The following ZNF681 variants were observed in gnomAD, a reference collection of about 807,000 sequenced individuals.
ZNF681 encodes the protein hypothetical protein FLJ31526.
A neutral mutation model predicts 56.0 loss-of-function variants in ZNF681; 37 were observed. The ratio of observed to expected loss-of-function variants is 0.66; its 90% confidence interval spans 0.51 to 0.87. ZNF681 has a LOEUF of 0.87. Among genes scored for constraint, ZNF681 ranks in the 40% least tolerant of loss-of-function variants. ZNF681 has a pLI of 0.00. For missense variants in ZNF681, 741 were observed against 744.9 expected, an observed-to-expected ratio of 0.99 and a Z score of 0.06; for synonymous variants, 225 against 248.6, an observed-to-expected ratio of 0.91 and a Z score of 0.89.
chr19:23,747,324 T>C (rs893452570), intron 3 of ZNF681, among the ~76,000 whole-genome samples: 5 of 152,004 alleles, frequency 3.3e-5, no homozygotes, highest in South Asian at 2.1e-4. Flanking sequence ...GTGATGAATA[T>C]ATTCAATATA....
rs1426429543 is a variant in ZNF681, at chr19:23,744,738, G to A, written c.812C>T (p.Thr271Ile). 2 of 1,613,530 alleles carry A rather than the reference G, an allele frequency of 1.2e-6. No homozygotes were observed. The highest frequency in any genetic ancestry group is 1.7e-6 in the Non-Finnish European group (2 of 1,179,794). ...CTCTCCAGTATGAATTATTGTATGT[G>A]TTGTAATGTGTGACGACAGGTTAAA... ...KAFNLSSHIT[T>I]HTIIHTGENP... The change falls in exon 4 of 4, where the codon ACA (threonine) becomes ATA (isoleucine). Residue 271 changes from threonine (T) to isoleucine (I), a missense_variant. Physicochemically the swap from Thr to Ile is moderately conservative, Grantham distance 89. Coordinates refer to ENST00000402377, the MANE Select transcript of ZNF681 (RefSeq NM_138286.3).
rs761372409 is a variant in ZNF681 at position 23,758,773 on chromosome 19, C to A, written c.-24G>T. The A allele has an allele frequency of 3.6e-5, 58 of 1,614,170 alleles. 1 individual carries two copies. The Admixed American group carries it at 9.2e-4, about 26-fold the overall frequency. On this transcript the variant is annotated 5_prime_UTR_variant, in exon 1 of 4. Transcript: ENST00000402377. ...ATTTCTAGGTTTCCGGGGGACCTGG[C>A]GTCTTAGCTATGGATCGCCAATACC...
In ZNF681 at chr19:23,743,639, T is replaced by G. The variant is rs757900873; in HGVS notation, c.1911A>C (p.Lys637Asn). ...AAGATTTCTCACCAGCATAATTTCT[T>G]TTATGTTTAGAAAACTTTGAAGTGT... The part of the protein sequence containing the change: ...FENTSKFSKH[K>N]RNYAGEKS The change falls in exon 4 of 4, where the codon AAA becomes AAC. Residue 637 changes from lysine (K) to asparagine (N), a missense_variant. Physicochemically the swap from Lys to Asn is moderately conservative, Grantham distance 94 (BLOSUM62 0). Coordinates refer to ENST00000402377, the MANE Select transcript of ZNF681 (RefSeq NM_138286.3). 1 of 1,517,498 alleles carries G rather than the reference T, an allele frequency of 6.6e-7. No individual in the cohort carries two copies. Among genetic ancestry groups the G allele is most frequent in the South Asian group, 1.3e-5 (1 of 76,346 alleles). The allele number at this position is 1,517,498 out of a possible 1,614,324, so 94.0% of individuals were successfully genotyped here.
rs1455472665 is a variant in ZNF681, at chr19:23,755,579, A to T, written c.4-28T>A. The T allele has an allele frequency of 4.8e-6, 7 of 1,444,110 alleles. No individual in the cohort carries two copies. In the South Asian group the frequency reaches 1.0e-4, roughly 21 times the overall value. The allele number at this position is 1,444,110 out of a possible 1,614,324, so 89.5% of individuals were successfully genotyped here. On this transcript the variant is annotated intron_variant, in intron 1 of 3. Coordinates refer to ENST00000402377, the MANE Select transcript of ZNF681 (RefSeq NM_138286.3). ...GAAAAACACACACACACACACACAC[A>T]CACACACACACACACACACATACAC... is the stretch of plus-strand genomic sequence containing the variant.
At position 23,739,446 on chromosome 19, in the gene ZNF681, T is replaced by A. The variant is rs1197295338; in HGVS notation, c.*4166A>T. The A allele has an allele frequency of 3.9e-5, 6 of 152,212 alleles. No individual in the cohort carries two copies. Among genetic ancestry groups the A allele is most frequent in the Non-Finnish European group, 8.8e-5 (6 of 68,042 alleles). The allele number at this position is 152,212 out of a possible 1,614,324, so 9.4% of individuals were successfully genotyped here. The stretch of plus-strand genomic sequence containing the variant: ...GTGCCTATAGTTCATAACAATGTAT[T>A]TGTATTTCTGAAAAATGCTAAAACA... On this transcript the variant is annotated 3_prime_UTR_variant, in exon 4 of 4. Transcript: ENST00000402377.
At position 23,743,805 on chromosome 19, in the gene ZNF681, CT is replaced by C; in HGVS notation, c.1744del (p.Arg582GlufsTer83). 1 of 1,611,284 alleles carries C rather than the reference CT, an allele frequency of 6.2e-7. No homozygotes were observed. On this transcript the variant is annotated frameshift_variant, in exon 4 of 4. Transcript: ENST00000402377. LOFTEE classifies it high-confidence loss of function. ...NQSSHLTRHK[R>X]IHTGEKPYQC... ...GTAGGGTTTCTCTCCAGTATGAATT[CT>C]CTTATGTCTAGTAAGGTGTGAGGAC...
intron 3 of ZNF681, among the ~76,000 whole-genome samples, chr19:23,750,533 A>T (rs1043798018): frequency 4.6e-5 from 7 of 151,778 alleles, no homozygotes; most frequent in Non-Finnish European, 7.4e-5. Context: ...ATATTAAGAA[A>T]CCTACACTAA....
intron 3 of ZNF681, 101 bp downstream of exon 3, chr19:23,754,722 G>GAATAC: frequency 1.0e-6 from 1 of 977,154 alleles, no homozygotes; most frequent in East Asian, 2.4e-5. Flanking sequence ...ATTTCCTTTG[G>GAATAC]AATACAGCTT....
At chr19:23,754,098 C>T (rs1041554976) in intron 3 of ZNF681, among the ~76,000 whole-genome samples, 5 of 145,802 alleles carry the variant, frequency 3.4e-5, no homozygotes, top group Non-Finnish European at 4.5e-5. Context: ...ACAAACAGGA[C>T]GGAATATGCA....
chr19:23,743,751 T>G lies in ZNF681; in HGVS notation c.1799A>C (p.Asn600Thr). 6.2e-7 allele frequency: 1 copy of G among 1,613,782 alleles called. No individual in the cohort carries two copies. The highest frequency in any genetic ancestry group is 1.7e-5 in the Admixed American group (1 of 60,004). Reference sequence around the variant, plus strand: ...ATGTCCAGTAAGGTTTGAGGACTGGTTAAAAGCTTTGCCACATTTTTCACA... The same window carrying G: ...ATGTCCAGTAAGGTTTGAGGACTGGGTAAAAGCTTTGCCACATTTTTCACA... Reference protein sequence around the residue: ...YQCEKCGKAFNQSSNLTGHKK... With the variant: ...YQCEKCGKAFTQSSNLTGHKK... Residue 600 changes from asparagine (N) to threonine (T), a missense_variant, in exon 4 of 4, where the codon AAC becomes ACC. Physicochemically the swap from Asn to Thr is moderately conservative, Grantham distance 65. Transcript: ENST00000402377.
intron 3 of ZNF681, among the ~76,000 whole-genome samples, chr19:23,752,387 G>A (rs939826872): frequency 6.6e-6 from 1 of 152,132 alleles, no homozygotes; most frequent in East Asian, 1.9e-4. Context: ...CAATGACTCA[G>A]TTTCACATCC....
chr19:23,758,713 C>T (rs1880594327), intron 1 of ZNF681, 34 bp downstream of exon 1: 1 of 1,614,188 alleles, frequency 6.2e-7, no homozygotes. Context: ...CAGCCCCTTC[C>T]CCTCTCTCGG....
rs542524392 is a variant in ZNF681, at chr19:23,742,568, T to A, written c.*1044A>T. ...CTCAATATAACACAGGATATTTATC[T>A]GAACTCCTACCTCATGCATCAGTCA... On this transcript the variant is annotated 3_prime_UTR_variant, in exon 4 of 4. Coordinates refer to ENST00000402377, the MANE Select transcript of ZNF681 (RefSeq NM_138286.3). 1 of 152,138 alleles carries A rather than the reference T, an allele frequency of 6.6e-6. No individual in the cohort carries two copies. Among genetic ancestry groups the A allele is most frequent in the African/African-American group, 2.4e-5 (1 of 41,430 alleles). The allele number at this position is 152,138 out of a possible 1,614,324, so 9.4% of individuals were successfully genotyped here.
At chr19:23,753,912 T>TA (rs1223378734) in intron 3 of ZNF681, among the ~76,000 whole-genome samples, 1 of 144,032 alleles carries the variant, frequency 6.9e-6, no homozygotes, top group Non-Finnish European at 1.5e-5. Context: ...ATAGATTCAA[T>TA]AAACTCCCTA....
Position 23,744,866 on chromosome 19 carries a change from A to G in ZNF681, c.684T>C (p.Cys228=), listed in dbSNP as rs1568309790. 8 of 1,613,160 alleles carry G rather than the reference A, an allele frequency of 5.0e-6. No individual in the cohort carries two copies. Among genetic ancestry groups the G allele is most frequent in the South Asian group, 1.1e-5 (1 of 90,920 alleles). ...RIHIGEKSYI[C]EECGKACNQF... ...GGTTACAGGCTTTGCCACATTCTTC[A>G]CATATGTACGATTTCTCTCCAATAT... Residue 228 remains cysteine (C), a synonymous_variant, in exon 4 of 4, where the codon TGT becomes TGC. Transcript: ENST00000402377.
At chr19:23,750,051 G>A (rs546619755) in intron 3 of ZNF681, among the ~76,000 whole-genome samples, 17 of 151,108 alleles carry the variant, frequency 1.1e-4, no homozygotes, top group East Asian at 5.8e-4. Context: ...TTGGGAGGCC[G>A]AGGTGAGCGG....
chr19:23,742,676 T>C lies in ZNF681; in HGVS notation c.*936A>G, dbSNP rs571307024. On this transcript the variant is annotated 3_prime_UTR_variant, in exon 4 of 4. Coordinates refer to ENST00000402377, the MANE Select transcript of ZNF681 (RefSeq NM_138286.3). The stretch of plus-strand genomic sequence containing the variant: ...ATTTTAATGTCCTTAACTCTTTCAC[T>C]AAAAAAGGTCGTAAATAATGCACAC... 6.6e-6 allele frequency: 1 copy of C among 152,248 alleles called. No homozygotes were observed. The highest frequency in any genetic ancestry group is 2.1e-4 in the South Asian group (1 of 4,820). 9.4% of individuals were successfully genotyped at this position (152,248 alleles called of 1,614,324 possible).
rs71165893 is a variant in ZNF681, at chr19:23,751,474, C to CAAA, written c.226+3346_226+3348dup. Among the ~76,000 whole-genome samples, 224 of 122,948 alleles carry CAAA rather than the reference C, an allele frequency of 1.8e-3. 5 individuals carry two copies. In the East Asian group the frequency reaches 0.038, roughly 21 times the overall value. 80.7% of individuals were successfully genotyped at this position (122,948 alleles called of 152,430 possible). A position where few individuals can be genotyped will look rare whatever the true frequency, so the allele number is the denominator to read the frequency against. The stretch of plus-strand genomic sequence containing the variant: ...CTGGCGACAGAGTGAGACTCCGTCT[C>CAAA]AAAAAAAAAAAAAAAAGAAAACAAA... On this transcript the variant is annotated intron_variant, in intron 3 of 3. Transcript: ENST00000402377.
chr19:23,745,485 A>G (rs372919456), intron 3 of ZNF681, among the ~76,000 whole-genome samples, 162 bp from the exon 4 acceptor site: 1 of 144,800 alleles, frequency 6.9e-6, no homozygotes, highest in Non-Finnish European at 1.5e-5. Flanking sequence ...CGGAGTTTCA[A>G]TCTGTCACTT....
Sources: allele counts gnomAD v4.1 joint callset (sites outside exome capture counted in the v4.1 genomes callset), GRCh38; gene constraint gnomAD v4.1.1; transcripts MANE v1.5; gene names NCBI Gene and HGNC (gene_info 2026-07-23, HGNC 2026-07-21).